The following TTC21A variants were observed in gnomAD, a reference collection of about 807,000 sequenced individuals.
TTC21A encodes tetratricopeptide repeat domain 21A.
Under a neutral mutation model 156.4 loss-of-function variants are expected in TTC21A, and 128 were observed. The ratio of observed to expected loss-of-function variants is 0.82; its 90% CI spans 0.71 to 0.95. The LOEUF (loss-of-function observed/expected upper bound fraction) is 0.95. Ranked by LOEUF, TTC21A falls within the 40% of genes least tolerant of loss-of-function variation. TTC21A has a pLI of 0.00. For synonymous variants in TTC21A, 587 were observed against 617.1 expected (o/e 0.95, Z 0.72); for missense variants, 1,435 against 1,602.3 (o/e 0.90, Z 1.78).
chr3:39,129,402 C>A, intron 15 of TTC21A, 92 bp downstream of exon 15: 1 of 944,804 alleles, frequency 1.1e-6, no homozygotes, highest in Non-Finnish European at 1.7e-6. Context: ...ACCTGGGTCT[C>A]CAGAATGTGT....
Position 39,110,918 on chromosome 3 carries a change from A to C in TTC21A, c.336A>C (p.Ala112=). 1 of 1,614,098 alleles carries C rather than the reference A, an allele frequency of 6.2e-7. No individual in the cohort carries two copies. The highest frequency in any genetic ancestry group is 2.2e-5 in the East Asian group (1 of 44,886). Residue 112 remains alanine, a synonymous_variant, in exon 4 of 29, where the codon GCA becomes GCC. Transcript: ENST00000683103. ...TACGCAAGACAGTCAGTGGGACTGC[A>C]CTGTACTATGCTGGCCTTTTCCTCT... is the stretch of plus-strand genomic sequence containing the variant. ...KEIRKTVSGT[A]LYYAGLFLWL...
chr3:39,136,673 A>T, intron 23 of TTC21A, 166 bp downstream of exon 23: 1 of 1,040,856 alleles, frequency 9.6e-7, no homozygotes, highest in Non-Finnish European at 1.4e-6. Flanking sequence ...TGTGGAAGTC[A>T]GGGAGAGCCT....
In TTC21A at chr3:39,126,372, C is replaced by T. The variant is rs1303528531; in HGVS notation, c.1504C>T (p.Gln502Ter). 5 of 1,613,994 alleles carry T rather than the reference C, an allele frequency of 3.1e-6. No homozygotes were observed. Among genetic ancestry groups the T allele is most frequent in the Non-Finnish European group, 4.2e-6 (5 of 1,179,976 alleles). The change falls in exon 12 of 29, where the codon CAG (glutamine) becomes TAG (stop). Residue 502 changes from glutamine to a stop codon, truncating the protein, a stop_gained. Coordinates refer to ENST00000683103, the MANE Select transcript of TTC21A (RefSeq NM_001366900.1). LOFTEE classifies it high-confidence loss of function. Reference protein sequence around the residue: ...ALIDPLYLMAQVRYYSGELEN... With the variant: ...ALIDPLYLMA ...GATCGACCCCCTGTATTTGATGGCTCAGGTCAGGTATTACTCAGGTGAGCG... is the reference window on the plus strand; with the variant it reads ...GATCGACCCCCTGTATTTGATGGCTTAGGTCAGGTATTACTCAGGTGAGCG...
At position 39,138,329 on chromosome 3, in the gene TTC21A, T is replaced by C; in HGVS notation, c.3738T>C (p.Asp1246=). 6.2e-7 allele frequency: 1 copy of C among 1,614,174 alleles called. No homozygotes were observed. Among genetic ancestry groups the C allele is most frequent in the South Asian group, 1.1e-5 (1 of 91,080 alleles). Residue 1246 remains aspartate (D), a synonymous_variant, in exon 27 of 29, where the codon GAT becomes GAC. Coordinates refer to ENST00000683103, the MANE Select transcript of TTC21A (RefSeq NM_001366900.1). ...FIMEKEQSYK[D]AVTNYKLAWK... ...TGGAGAAGGAGCAGTCCTACAAGGATGCAGTCACCAACTACAAACTGGCCT... is the reference window on the plus strand; with the variant it reads ...TGGAGAAGGAGCAGTCCTACAAGGACGCAGTCACCAACTACAAACTGGCCT...
rs1382418634 is a variant in TTC21A, at chr3:39,137,041, A to G, written c.3238A>G (p.Asn1080Asp). Residue 1080 changes from asparagine (N) to aspartate (D), a missense_variant, in exon 24 of 29, where the codon AAC (asparagine) becomes GAC (aspartate). Coordinates refer to ENST00000683103, the MANE Select transcript of TTC21A (RefSeq NM_001366900.1). ...NEVVGGEAFE[N>D]QGAESNYMEK... ...GGTTGTGGGCGGAGAGGCTTTTGAG[A>G]ACCAGGGAGCTGAGAGCAAGTAAGG... The G allele has an allele frequency of 6.2e-7, 1 of 1,613,628 alleles. No homozygotes were observed. The highest frequency in any genetic ancestry group is 1.3e-5 in the African/African-American group (1 of 74,864).
chr3:39,137,719 CCACA>C lies in TTC21A; in HGVS notation c.3675+17_3675+20del. On this transcript the variant is annotated intron_variant, in intron 26 of 28. Coordinates refer to ENST00000683103, the MANE Select transcript of TTC21A (RefSeq NM_001366900.1). Reference sequence around the variant, plus strand: ...GTGTGCAATACAACAAGGCAAGGAGCCACACACACACTAGGGCTGCGGGATGGCG... The same window carrying C: ...GTGTGCAATACAACAAGGCAAGGAGCCACACACTAGGGCTGCGGGATGGCG... 1.2e-6 allele frequency: 2 copies of C among 1,607,224 alleles called. No homozygotes were observed. The highest frequency in any genetic ancestry group is 1.7e-6 in the Non-Finnish European group (2 of 1,177,288).
Position 39,128,362 on chromosome 3 carries a change from G to A in TTC21A, c.1554G>A (p.Gln518=). The change falls in exon 13 of 29, where the codon CAG becomes CAA. Residue 518 remains glutamine, a synonymous_variant. Transcript: ENST00000683103. ...TAGAGAATGCCCAGAGCATCCTGCA[G>A]CGTTGCCTGGAGCTGGACCCCGCCT... ...GELENAQSIL[Q]RCLELDPASV... 6.2e-7 allele frequency: 1 copy of A among 1,614,214 alleles called. No individual in the cohort carries two copies. The highest frequency in any genetic ancestry group is 8.5e-7 in the Non-Finnish European group (1 of 1,180,036).
chr3:39,113,116 A>G (rs139753552), intron 5 of TTC21A, among the ~76,000 whole-genome samples: 66 of 152,196 alleles, frequency 4.3e-4, no homozygotes, highest in African/African-American at 1.4e-3. Flanking sequence ...ATATATTTTT[A>G]TTATAAAAGA....
chr3:39,127,134 A>G, intron 12 of TTC21A, among the ~76,000 whole-genome samples: 1 of 152,048 alleles, frequency 6.6e-6, no homozygotes, highest in East Asian at 1.9e-4. Context: ...AGGGAAGGAG[A>G]GGGAAACTCT....
intron 26 of TTC21A, 97 bp from the exon 27 acceptor site, chr3:39,138,170 C>A: frequency 1.3e-6 from 2 of 1,574,886 alleles, no homozygotes; most frequent in Non-Finnish European, 8.6e-7. Flanking sequence ...CACTTCTGTC[C>A]CTTGCCTGCT....
rs1363182440 is a variant in TTC21A, at chr3:39,121,063, C to T, written c.967C>T (p.Pro323Ser). 6.2e-6 allele frequency: 10 copies of T among 1,614,108 alleles called. No homozygotes were observed. The highest frequency in any genetic ancestry group is 7.6e-6 in the Non-Finnish European group (9 of 1,179,982). Residue 323 changes from proline (P) to serine (S), a missense_variant, in exon 9 of 29, where the codon CCC becomes TCC. Physicochemically the swap from Pro to Ser is moderately conservative, Grantham distance 74. Coordinates refer to ENST00000683103, the MANE Select transcript of TTC21A (RefSeq NM_001366900.1). ...CATCGAGCGCACCTTCATGGCCACC[C>T]CCTCGTATGTCCATGTGGCCACAGA... Reference protein sequence around the residue: ...SFIERTFMATPSYVHVATELG... With the variant: ...SFIERTFMATSSYVHVATELG...
At chr3:39,133,020 G>A in intron 19 of TTC21A, 32 bp from the exon 20 acceptor site, 1 of 1,609,830 alleles carries the variant, frequency 6.2e-7, no homozygotes, top group South Asian at 1.1e-5. Flanking sequence ...CAGGCTCTGA[G>A]TTTCTGATCC....
At chr3:39,126,474 CTACACACACACA>C in intron 12 of TTC21A, 84 bp downstream of exon 12, 1 of 815,596 alleles carries the variant, frequency 1.2e-6, no homozygotes, top group Non-Finnish European at 1.9e-6. Context: ...GCCTAGGATA[CTACACACACACA>C]CACACACACA....
intron 6 of TTC21A, among the ~76,000 whole-genome samples, chr3:39,115,880 A>G (rs1323174462): frequency 6.6e-6 from 1 of 152,184 alleles, no homozygotes; most frequent in African/African-American, 2.4e-5. Flanking sequence ...CCTGGAGAAG[A>G]ATCCTAATTC....
intron 9 of TTC21A, among the ~76,000 whole-genome samples, chr3:39,123,854 C>G (rs753698823): frequency 4.0e-5 from 6 of 151,762 alleles, no homozygotes; most frequent in Non-Finnish European, 7.4e-5. Flanking sequence ...TCACCCCCCC[C>G]AAAAAAACCA....
In TTC21A at chr3:39,130,088, T is replaced by A; in HGVS notation, c.2145T>A (p.Cys715Ter). Residue 715 changes from cysteine (C) to a stop codon, truncating the protein, a stop_gained, in exon 16 of 29, where the codon TGT (cysteine) becomes TGA (stop). Coordinates refer to ENST00000683103, the MANE Select transcript of TTC21A (RefSeq NM_001366900.1). LOFTEE classifies it high-confidence loss of function. This position sits in a 1 kb window ranked among gnomAD's most constrained non-coding sequence, Gnocchi z 4.5. The part of the protein sequence containing the change: ...RLYIRCYREL[C>*]EHLPGPHTSL... ...TTACTCTTGCTTGCAGTGAGCTCTGTGAACATCTGCCTGGCCCCCACACCA... is the reference window on the plus strand; with the variant it reads ...TTACTCTTGCTTGCAGTGAGCTCTGAGAACATCTGCCTGGCCCCCACACCA... 6.2e-7 allele frequency: 1 copy of A among 1,614,122 alleles called. No individual in the cohort carries two copies. The highest frequency in any genetic ancestry group is 1.1e-5 in the South Asian group (1 of 91,038).
At chr3:39,125,307 T>C in intron 10 of TTC21A, 25 bp from the exon 11 acceptor site, 1 of 1,607,634 alleles carries the variant, frequency 6.2e-7, no homozygotes. Flanking sequence ...ACATTGGCAC[T>C]GAGACTCGGT....
At position 39,126,421 on chromosome 3, in the gene TTC21A, G is replaced by T. The variant is rs745800196; in HGVS notation, c.1522+31G>T. 4.3e-6 allele frequency: 7 copies of T among 1,611,228 alleles called. No individual in the cohort carries two copies. The South Asian group carries it at 7.7e-5, about 18-fold the overall frequency. The stretch of plus-strand genomic sequence containing the variant: ...CGGGGGATCCTGACAGCCGGGTGGG[G>T]CCTTGCAAACACCTGATGTAGCTTT... On this transcript the variant is annotated intron_variant, in intron 12 of 28. Transcript: ENST00000683103.
chr3:39,135,184 C>T lies in TTC21A; in HGVS notation c.2944+10C>T, dbSNP rs1331360055. The T allele has an allele frequency of 6.2e-7, 1 of 1,611,566 alleles. No individual in the cohort carries two copies. The highest frequency in any genetic ancestry group is 1.3e-5 in the African/African-American group (1 of 74,868). ...TTGGAGAAAGCGCCAGGTAATTCTG[C>T]CCATGGAGACTGCCTGTACCAGTTC... On this transcript the variant is annotated intron_variant, in intron 22 of 28. Coordinates refer to ENST00000683103, the MANE Select transcript of TTC21A (RefSeq NM_001366900.1).
Sources: gnomAD v4.1 joint callset for allele counts (sites outside exome capture counted in the v4.1 genomes callset) on GRCh38, gnomAD v4.1.1 for gene constraint, Gnocchi (gnomAD v3.1) non-coding constraint, MANE v1.5 for transcripts, NCBI Gene and HGNC (gene_info 2026-07-23, HGNC 2026-07-21) for gene names.